The following ATP6V1B1 variants were observed in gnomAD, a reference collection of about 807,000 sequenced individuals.
ATP6V1B1 encodes the protein V-type proton ATPase subunit B, kidney isoform.
ATP6V1B1 carries 41 observed loss-of-function variants against 62.1 expected under a neutral mutation model. The ratio of observed to expected loss-of-function variants is 0.66; its 90% CI spans 0.51 to 0.86. The LOEUF (loss-of-function observed/expected upper bound fraction) is 0.86, where lower values mean the gene tolerates loss of function less well. Ranked by LOEUF, ATP6V1B1 falls within the 40% of genes least tolerant of loss-of-function variation. The probability of loss-of-function intolerance (pLI) is 0.00; values close to 1 mark genes in which losing one functional copy is unlikely to be tolerated. For missense variants in ATP6V1B1, 651 were observed against 697.5 expected (o/e 0.93, Z 0.75); for synonymous variants, 253 against 273.4 (o/e 0.93, Z 0.74).
intron 1 of ATP6V1B1, chr2:70,938,832 C>G (rs1283439961): frequency 1.0e-6 from 1 of 978,726 alleles, no homozygotes; most frequent in Non-Finnish European, 1.2e-6. Context: ...TCAGGAAGGA[C>G]AAGCTGGCAG....
rs1680690395 is a variant in ATP6V1B1 at position 70,965,030 on chromosome 2, A to T, written c.1451A>T (p.Glu484Val). 1 of 1,613,672 alleles carries T rather than the reference A, an allele frequency of 6.2e-7. No individual in the cohort carries two copies. Among genetic ancestry groups the T allele is most frequent in the Admixed American group, 1.7e-5 (1 of 60,030 alleles). Residue 484 changes from glutamate (E) to valine (V), a missense_variant, in exon 14 of 14, where the codon GAG (glutamate) becomes GTG (valine). By Grantham distance (121) the Glu-to-Val change is moderately radical. Coordinates refer to ENST00000234396, the MANE Select transcript of ATP6V1B1 (RefSeq NM_001692.4). Reference protein sequence around the residue: ...GWKLLRIFPKEMLKRIPQAVI... With the variant: ...GWKLLRIFPKVMLKRIPQAVI... ...AAGCTGCTGCGCATCTTCCCCAAGG[A>T]GATGCTGAAGCGCATTCCGCAGGCC...
chr2:70,961,536 G>A, intron 7 of ATP6V1B1, 60 bp from the exon 8 acceptor site: 2 of 1,551,060 alleles, frequency 1.3e-6, no homozygotes, highest in Non-Finnish European at 1.8e-6. Context: ...CCTGGGAGGG[G>A]CCAGGCCTTG....
In ATP6V1B1 at chr2:70,959,384, C is replaced by T. The variant is rs186839045; in HGVS notation, c.445+289C>T. Among the ~76,000 whole-genome samples, 4 of 152,358 alleles carry T rather than the reference C, an allele frequency of 2.6e-5. No individual in the cohort carries two copies. Among genetic ancestry groups the T allele is most frequent in the South Asian group, 2.1e-4 (1 of 4,830 alleles). On this transcript the variant is annotated intron_variant, in intron 5 of 13. Transcript: ENST00000234396. This position sits in a 1 kb window ranked among gnomAD's most constrained non-coding sequence, Gnocchi z 4.2. ...CTGAGAATGGGCTGCGGTGCTCTGCCGGCTCTCGTCCATTCAAGTGGGCAC... is the reference window on the plus strand; with the variant it reads ...CTGAGAATGGGCTGCGGTGCTCTGCTGGCTCTCGTCCATTCAAGTGGGCAC...
At chr2:70,947,253 AC>A (rs1360667199) in intron 2 of ATP6V1B1, among the ~76,000 whole-genome samples, 5 of 152,148 alleles carry the variant, frequency 3.3e-5, no homozygotes, top group African/African-American at 1.2e-4. Context: ...AGGGTTCGTG[AC>A]CCAGAAAAGT....
In ATP6V1B1 at chr2:70,964,652, G is replaced by C. The variant is rs939107582; in HGVS notation, c.1249-84G>C. On this transcript the variant is annotated intron_variant, in intron 12 of 13. Coordinates refer to ENST00000234396, the MANE Select transcript of ATP6V1B1 (RefSeq NM_001692.4). Reference sequence around the variant, plus strand: ...CTCCTGGCAAAATTCCTTTCCGAACGGGGTCCCAGTGTGGCCAGGTTGGGG... The same window carrying C: ...CTCCTGGCAAAATTCCTTTCCGAACCGGGTCCCAGTGTGGCCAGGTTGGGG... 3 of 1,612,188 alleles carry C rather than the reference G, an allele frequency of 1.9e-6. No homozygotes were observed. In the African/African-American group the frequency reaches 4.0e-5, roughly 22 times the overall value.
chr2:70,964,432 C>T lies in ATP6V1B1; in HGVS notation c.1144-6C>T, dbSNP rs1680666931. The T allele has an allele frequency of 6.2e-7, 1 of 1,613,764 alleles. No homozygotes were observed. On this transcript the variant is annotated splice_polypyrimidine_tract_variant and splice_region_variant and intron_variant, in intron 11 of 13. Coordinates refer to ENST00000234396, the MANE Select transcript of ATP6V1B1 (RefSeq NM_001692.4). ...TGTCCACCACTCCCTTTTTCTTCTC[C>T]CTCAGATCTACCCCCCCATCAACGT...
rs1680484897 is a variant in ATP6V1B1 at position 70,958,055 on chromosome 2, T to C, written c.184T>C (p.Tyr62His). Reference sequence around the variant, plus strand: ...TCTCCCCTCCTGCCAGTTTGCCCAGTATGCGGAGATCGTCCACTTCACCCT... The same window carrying C: ...TCTCCCCTCCTGCCAGTTTGCCCAGCATGCGGAGATCGTCCACTTCACCCT... Reference protein sequence around the residue: ...VVLDRVKFAQYAEIVHFTLPD... With the variant: ...VVLDRVKFAQHAEIVHFTLPD... The change falls in exon 3 of 14, where the codon TAT becomes CAT. Residue 62 changes from tyrosine to histidine, a missense_variant. Physicochemically the swap from Tyr to His is moderately conservative, Grantham distance 83. Transcript: ENST00000234396. 6.2e-7 allele frequency: 1 copy of C among 1,613,962 alleles called. No homozygotes were observed.
intron 1 of ATP6V1B1, chr2:70,941,715 A>C (rs1170890840): frequency 1.0e-5 from 10 of 984,264 alleles, no homozygotes; most frequent in African/African-American, 1.7e-5. Flanking sequence ...GAAAGGAAGC[A>C]GGGAGGGAAG....
chr2:70,940,665 C>T (rs1679975079), intron 1 of ATP6V1B1: 10 of 985,420 alleles, frequency 1.0e-5, no homozygotes, highest in Non-Finnish European at 1.2e-5. Context: ...GCCCCTTAGC[C>T]CAGTACATCC....
At chr2:70,951,911 A>G (rs1157966158) in intron 2 of ATP6V1B1, among the ~76,000 whole-genome samples, 7 of 152,160 alleles carry the variant, frequency 4.6e-5, no homozygotes, top group Non-Finnish European at 1.5e-5. Context: ...AAAAAAAGAT[A>G]AATAAAAATA....
In ATP6V1B1 at chr2:70,952,559, A is replaced by G. The variant is rs188889050; in HGVS notation, c.175-5487A>G. Among the ~76,000 whole-genome samples, 3 of 151,888 alleles carry G rather than the reference A, an allele frequency of 2.0e-5. No individual in the cohort carries two copies. The East Asian group carries it at 5.8e-4, about 29-fold the overall frequency. ...ATCTTATAGGATTCTTTTTTAATCTATGTTGACGAACTCTCTATTATTATG... is the reference window on the plus strand; with the variant it reads ...ATCTTATAGGATTCTTTTTTAATCTGTGTTGACGAACTCTCTATTATTATG... On this transcript the variant is annotated intron_variant, in intron 2 of 13. Coordinates refer to ENST00000234396, the MANE Select transcript of ATP6V1B1 (RefSeq NM_001692.4).
At position 70,936,082 on chromosome 2, in the gene ATP6V1B1, C is replaced by T. The variant is rs368755541; in HGVS notation, c.118+10C>T. The T allele has an allele frequency of 8.7e-5, 141 of 1,613,286 alleles. No individual in the cohort carries two copies. Among genetic ancestry groups the T allele is most frequent in the Middle Eastern group, 1.6e-4 (1 of 6,078 alleles). ...ACCCACCCCCGTGTCAGTGAGTAGCCCCTCCACCGTGACGGGTGAGGTCAG... is the reference window on the plus strand; with the variant it reads ...ACCCACCCCCGTGTCAGTGAGTAGCTCCTCCACCGTGACGGGTGAGGTCAG... On this transcript the variant is annotated intron_variant, in intron 1 of 13. Transcript: ENST00000234396.
intron 2 of ATP6V1B1, among the ~76,000 whole-genome samples, chr2:70,949,672 A>G (rs539320006): frequency 3.7e-4 from 57 of 152,292 alleles, no homozygotes; most frequent in African/African-American, 1.4e-3. Context: ...ATAACTAGGA[A>G]AGTTGAGTGT....
intron 1 of ATP6V1B1, chr2:70,940,480 G>A: frequency 1.0e-6 from 1 of 985,384 alleles, no homozygotes; most frequent in Non-Finnish European, 1.2e-6. Context: ...TCTCCTGCCT[G>A]CCCTGCATCC....
At chr2:70,962,587 GTGT>G (rs368460557) in intron 8 of ATP6V1B1, among the ~76,000 whole-genome samples, 187 bp from the exon 9 acceptor site, 7 of 152,194 alleles carry the variant, frequency 4.6e-5, no homozygotes, top group African/African-American at 1.7e-4. Context: ...GGCGAGGTGT[GTGT>G]TGGAGTCTGC....
chr2:70,963,082 G>A lies in ATP6V1B1; in HGVS notation c.910-80G>A, dbSNP rs1251614467. On this transcript the variant is annotated intron_variant, in intron 9 of 13. Transcript: ENST00000234396. This position sits in a 1 kb window ranked among gnomAD's most constrained non-coding sequence, Gnocchi z 4.3. The stretch of plus-strand genomic sequence containing the variant: ...CTGCCCCCCACTCCATTTCTCACAG[G>A]GTCACTGAACCTCCCACCCACCCTT... 3.1e-6 allele frequency: 5 copies of A among 1,606,826 alleles called. No individual in the cohort carries two copies. In the African/African-American group the frequency reaches 6.7e-5, roughly 22 times the overall value.
At chr2:70,957,087 CTTTTT>C (rs56407020) in intron 2 of ATP6V1B1, among the ~76,000 whole-genome samples, 4 of 125,152 alleles carry the variant, frequency 3.2e-5, no homozygotes, top group African/African-American at 9.2e-5. Context: ...AGTTCTTCTT[CTTTTT>C]TTTTTTTTTT....
intron 8 of ATP6V1B1, 90 bp downstream of exon 8, chr2:70,961,783 A>G: frequency 7.9e-7 from 1 of 1,262,344 alleles, no homozygotes; most frequent in South Asian, 1.2e-5. Context: ...AGGGCATCCC[A>G]GAACTACAGC....
rs200269431 is a variant in ATP6V1B1 at position 70,958,400 on chromosome 2, G to A, written c.341G>A (p.Arg114Gln). The A allele has an allele frequency of 2.4e-4, 378 of 1,596,490 alleles. No individual in the cohort carries two copies. The highest frequency in any genetic ancestry group is 8.3e-4 in the Middle Eastern group (5 of 6,000). The change falls in exon 4 of 14, where the codon CGA becomes CAA. Residue 114 changes from arginine to glutamine, a missense_variant. Physicochemically the swap from Arg to Gln is conservative, Grantham distance 43. Coordinates refer to ENST00000234396, the MANE Select transcript of ATP6V1B1 (RefSeq NM_001692.4). Reference sequence around the variant, plus strand: ...TGCGAATTTACAGGGGACATCCTACGAACTCCGGTGTCAGAGGACATGCTG... The same window carrying A: ...TGCGAATTTACAGGGGACATCCTACAAACTCCGGTGTCAGAGGACATGCTG... ...TTCEFTGDIL[R>Q]TPVSEDMLGR... is the part of the protein sequence containing the mutation.
Sources: allele counts gnomAD v4.1 joint callset (sites outside exome capture counted in the v4.1 genomes callset), GRCh38; gene constraint gnomAD v4.1.1; non-coding constraint Gnocchi (gnomAD v3.1); transcripts MANE v1.5; gene names NCBI Gene and HGNC (gene_info 2026-07-23, HGNC 2026-07-21).